Variants in ATRX observed in about 807,000 individuals in gnomAD.
ATRX encodes chromatin remodeler ATRX.
Under a neutral mutation model 172.6 loss-of-function variants are expected in ATRX, and 12 were observed. The observed-to-expected ratio is 0.07, with a 90% CI of 0.04 to 0.11. The LOEUF (loss-of-function observed/expected upper bound fraction) is 0.11, where lower values mean the gene tolerates loss of function less well. ATRX is among the 10% of genes least tolerant of loss of function. ATRX has a pLI of 1.00. For synonymous variants in ATRX, 674 were observed against 594.7 expected (o/e 1.13, Z -1.94); for missense variants, 1,368 against 1,767.4 (o/e 0.77, Z 4.05).
At chrX:77,631,023 C>T (rs1368167537) in intron 19 of ATRX, among the ~76,000 whole-genome samples, 2 of 109,890 alleles carry the variant, frequency 1.8e-5, no homozygotes, top group Non-Finnish European at 3.8e-5. Context: ...TAAAAGGAAC[C>T]ATGATGTCTT....
intron 19 of ATRX, among the ~76,000 whole-genome samples, chrX:77,631,936 C>A (rs1314603998): frequency 1.8e-5 from 2 of 112,250 alleles, no homozygotes; most frequent in East Asian, 2.8e-4. Context: ...GAACTCTCTG[C>A]ACTACCTTTT....
chrX:77,528,469 G>A lies in ATRX; in HGVS notation c.6700-5068C>T, dbSNP rs533543244. ...GACTGGGTGAGATCTTCCAGTGCAG[G>A]TTGCCAGCCGCCTCCTGCAAGTGCT... On this transcript the variant is annotated intron_variant, in intron 30 of 34. Transcript: ENST00000373344. 4.6e-4 allele frequency among the ~76,000 whole-genome samples: 51 copies of A among 111,124 alleles called. No homozygotes were observed. The South Asian group carries it at 0.02, about 43-fold the overall frequency.
chrX:77,743,615 C>T (rs1262334355), intron 1 of ATRX, among the ~76,000 whole-genome samples: 1 of 111,616 alleles, frequency 9.0e-6, no homozygotes, highest in African/African-American at 3.3e-5. Flanking sequence ...GCAAGTACCA[C>T]CTTACTGGCC....
chrX:77,618,777 T>A (rs1557098393), intron 21 of ATRX, 29 bp downstream of exon 21: 1 of 1,157,591 alleles, frequency 8.6e-7, no homozygotes, highest in Admixed American at 2.2e-5. Flanking sequence ...AAAGTAAGAA[T>A]ATTTTATTAC....
intron 22 of ATRX, among the ~76,000 whole-genome samples, chrX:77,613,616 G>A (rs1363109459): frequency 1.8e-5 from 2 of 112,068 alleles, no homozygotes; most frequent in East Asian, 2.8e-4. Context: ...CAGGTTCTGC[G>A]GGATTTGTGT....
At chrX:77,585,211 A>G (rs1162910318) in intron 27 of ATRX, among the ~76,000 whole-genome samples, 1 of 110,752 alleles carries the variant, frequency 9.0e-6, no homozygotes, top group Admixed American at 9.7e-5. Context: ...GGGAACACAA[A>G]TTAGTAAAAC....
chrX:77,688,582 T>A (rs1557145288), intron 7 of ATRX, among the ~76,000 whole-genome samples: 1 of 111,657 alleles, frequency 9.0e-6, no homozygotes. Flanking sequence ...CATACAGCTT[T>A]CCACTAGAAA....
In ATRX at chrX:77,520,877, C is replaced by T. The variant is rs147341551; in HGVS notation, c.7111G>A (p.Ala2371Thr). Residue 2371 changes from alanine (A) to threonine (T), a missense_variant, in exon 34 of 35, where the codon GCG becomes ACG. Coordinates refer to ENST00000373344, the MANE Select transcript of ATRX (RefSeq NM_000489.6). ...NMNLSEAQVQ[A>T]LALSRQASQE... ...CTGGCTTGTCTACTTAATGCTAACG[C>T]CTGTACTTGGGCCTCTGAGAGATTC... 80 of 1,208,251 alleles carry T rather than the reference C, an allele frequency of 6.6e-5. No homozygotes were observed. Among genetic ancestry groups the T allele is most frequent in the Non-Finnish European group, 8.4e-5 (75 of 893,635 alleles).
chrX:77,527,576 C>T (rs782817192), intron 30 of ATRX, among the ~76,000 whole-genome samples: 2 of 112,145 alleles, frequency 1.8e-5, no homozygotes, highest in Admixed American at 9.4e-5. Flanking sequence ...GCAGCTCAGG[C>T]GCACACAGAG....
chrX:77,521,032 C>A, intron 33 of ATRX, 116 bp from the exon 34 acceptor site: 1 of 796,568 alleles, frequency 1.3e-6, no homozygotes, highest in African/African-American at 2.1e-5. Context: ...TTCCTTTATT[C>A]TTTTCTGAAG....
chrX:77,716,099 T>C (rs1204512719), intron 2 of ATRX, among the ~76,000 whole-genome samples: 6 of 97,635 alleles, frequency 6.1e-5, no homozygotes, highest in Non-Finnish European at 1.2e-4. Context: ...AGCAAGACCA[T>C]GTCTCTAAAA....
In ATRX at chrX:77,507,398, T is replaced by C; in HGVS notation, c.*953A>G. 5.7e-6 allele frequency: 1 copy of C among 174,315 alleles called. No homozygotes were observed. 14.4% of individuals were successfully genotyped at this position (174,315 alleles called of 1,213,427 possible). On this transcript the variant is annotated 3_prime_UTR_variant, in exon 35 of 35. Transcript: ENST00000373344. ...GGTTCTGCCATTTTGATGTTGTTTA[T>C]AAAACAGGGTGTGAACCTAACAACC...
intron 27 of ATRX, among the ~76,000 whole-genome samples, chrX:77,589,491 G>A (rs1557078936): frequency 9.0e-6 from 1 of 111,503 alleles, no homozygotes; most frequent in Non-Finnish European, 1.9e-5. Flanking sequence ...AACAAAGACT[G>A]CTGTATTAGG....
intron 1 of ATRX, among the ~76,000 whole-genome samples, chrX:77,766,880 TGA>T (rs782636753): frequency 9.5e-6 from 1 of 105,786 alleles, no homozygotes; most frequent in Non-Finnish European, 2.0e-5. Context: ...GGCTGGGAGG[TGA>T]GGTTGTAGCG....
intron 2 of ATRX, among the ~76,000 whole-genome samples, chrX:77,711,048 T>C (rs1557160749): frequency 8.9e-6 from 1 of 111,990 alleles, no homozygotes; most frequent in African/African-American, 3.2e-5. Flanking sequence ...TTTTATATGT[T>C]ACCATTGAGG....
At chrX:77,622,026 G>C (rs2067611604) in intron 19 of ATRX, among the ~76,000 whole-genome samples, 1 of 111,890 alleles carries the variant, frequency 8.9e-6, no homozygotes, top group Non-Finnish European at 1.9e-5. Flanking sequence ...GTATCCATGA[G>C]GATGCGTTGA....
chrX:77,784,823 A>G (rs1367997968), intron 1 of ATRX, among the ~76,000 whole-genome samples: 1 of 112,279 alleles, frequency 8.9e-6, no homozygotes, highest in Non-Finnish European at 1.9e-5. Context: ...CTCTAAAAAC[A>G]TATGCCAATC....
At chrX:77,521,544 T>C (rs1370988189) in intron 32 of ATRX, 46 bp from the exon 33 acceptor site, 1 of 1,015,211 alleles carries the variant, frequency 9.9e-7, no homozygotes. Flanking sequence ...AAAGACAGCA[T>C]AGTGTTAAAG....
At chrX:77,767,158 G>A (rs2075990926) in intron 1 of ATRX, among the ~76,000 whole-genome samples, 1 of 109,309 alleles carries the variant, frequency 9.1e-6, no homozygotes, top group Admixed American at 9.7e-5. Flanking sequence ...GCAGTGAGCC[G>A]AGATGGCAGC....
Sources: gnomAD v4.1 joint callset for allele counts (sites outside exome capture counted in the v4.1 genomes callset) on GRCh38, gnomAD v4.1.1 for gene constraint, MANE v1.5 for transcripts, NCBI Gene and HGNC (gene_info 2026-07-23, HGNC 2026-07-21) for gene names.